The following NRXN3 variants were observed in gnomAD, a reference collection of about 807,000 sequenced individuals.
NRXN3 encodes neurexin III.
In NRXN3, 32 loss-of-function variants were observed where a neutral mutation model predicts 137.6. The observed-to-expected ratio is 0.23, with a 90% confidence interval of 0.18 to 0.31. The LOEUF (loss-of-function observed/expected upper bound fraction) is 0.31. NRXN3 is among the 10% of genes least tolerant of loss of function. The probability of loss-of-function intolerance (pLI) is 1.00; values close to 1 mark genes in which losing one functional copy is unlikely to be tolerated. For missense variants in NRXN3, 1,574 were observed against 2,062.5 expected, an observed-to-expected ratio of 0.76 and a Z score of 4.59; for synonymous variants, 798 against 784.5, an observed-to-expected ratio of 1.02 and a Z score of -0.29.
At chr14:79,604,806 C>T (rs1181294952) in intron 16 of NRXN3, among the ~76,000 whole-genome samples, 1 of 151,682 alleles carries the variant, frequency 6.6e-6, no homozygotes, top group Non-Finnish European at 1.5e-5. Context: ...CTGAGGCGGG[C>T]GGATCACTTG....
intron 4 of NRXN3, among the ~76,000 whole-genome samples, chr14:78,426,332 A>C (rs1017853491): frequency 6.6e-6 from 1 of 152,298 alleles, no homozygotes; most frequent in Non-Finnish European, 1.5e-5. Flanking sequence ...GTACAGCTTC[A>C]TCTAACACCT....
At chr14:78,589,858 T>C (rs549095169) in intron 4 of NRXN3, among the ~76,000 whole-genome samples, 1 of 152,260 alleles carries the variant, frequency 6.6e-6, no homozygotes, top group South Asian at 2.1e-4. Context: ...TTAAATTTGA[T>C]TTAAGTTTCA....
At chr14:79,605,972 A>AT (rs2098008841) in intron 16 of NRXN3, among the ~76,000 whole-genome samples, 1 of 152,160 alleles carries the variant, frequency 6.6e-6, no homozygotes, top group African/African-American at 2.4e-5. Flanking sequence ...TGCCAGGCTG[A>AT]TGGAGGGGCT....
intron 10 of NRXN3, among the ~76,000 whole-genome samples, chr14:78,922,821 C>T (rs890268624): frequency 6.6e-6 from 1 of 152,160 alleles, no homozygotes; most frequent in African/African-American, 2.4e-5. Context: ...ACCTATGTAA[C>T]AAACCTGCAT....
intron 1 of NRXN3, among the ~76,000 whole-genome samples, chr14:78,221,513 G>A (rs191250543): frequency 2.0e-5 from 3 of 152,292 alleles, no homozygotes; most frequent in African/African-American, 7.2e-5. Flanking sequence ...CAGTGGATGT[G>A]GGAGAGTAAT....
chr14:79,770,980 G>A (rs2099075946), intron 19 of NRXN3, among the ~76,000 whole-genome samples: 1 of 152,108 alleles, frequency 6.6e-6, no homozygotes, highest in Non-Finnish European at 1.5e-5. Flanking sequence ...ACTACCATCA[G>A]AGAATACTAC....
At chr14:79,818,188 G>C (rs2140976049) in intron 20 of NRXN3, among the ~76,000 whole-genome samples, 1 of 151,858 alleles carries the variant, frequency 6.6e-6, no homozygotes, top group South Asian at 2.1e-4. Flanking sequence ...CGAGTAGCTG[G>C]GACTACAGGT....
intron 16 of NRXN3, among the ~76,000 whole-genome samples, chr14:79,614,030 C>G (rs146243484): frequency 8.9e-4 from 135 of 152,302 alleles, no homozygotes; most frequent in African/African-American, 3.2e-3. Context: ...AATAACAATT[C>G]ATGTCCAATT....
intron 15 of NRXN3, among the ~76,000 whole-genome samples, chr14:79,063,282 G>GT (rs1307438729): frequency 6.6e-6 from 1 of 151,810 alleles, no homozygotes; most frequent in Non-Finnish European, 1.5e-5. Context: ...ATGTTTTTTT[G>GT]TTTTTTGTTT....
At chr14:79,800,987 G>A (rs1320972137) in intron 19 of NRXN3, among the ~76,000 whole-genome samples, 1 of 152,120 alleles carries the variant, frequency 6.6e-6, no homozygotes, top group East Asian at 1.9e-4. Flanking sequence ...TGCAAATTAA[G>A]GCCTCTGGCA....
intron 4 of NRXN3, among the ~76,000 whole-genome samples, chr14:78,641,595 A>G (rs1446329857): frequency 6.6e-6 from 1 of 152,240 alleles, no homozygotes; most frequent in South Asian, 2.1e-4. Flanking sequence ...CGATTCAGAG[A>G]GAAGCTTTCA....
chr14:79,227,107 C>T (rs771852758), intron 15 of NRXN3, among the ~76,000 whole-genome samples: 4 of 151,762 alleles, frequency 2.6e-5, no homozygotes, highest in Non-Finnish European at 5.9e-5. Context: ...CGTGAGCCAC[C>T]GCGCCTGGCC....
intron 19 of NRXN3, among the ~76,000 whole-genome samples, chr14:79,771,643 T>C (rs2099078978): frequency 7.5e-6 from 1 of 134,188 alleles, no homozygotes; most frequent in Admixed American, 8.0e-5. Flanking sequence ...ATAAGAGCTA[T>C]CTATGACAAA....
At chr14:79,388,452 TG>T (rs1446973277) in intron 15 of NRXN3, among the ~76,000 whole-genome samples, 1 of 152,158 alleles carries the variant, frequency 6.6e-6, no homozygotes, top group Non-Finnish European at 1.5e-5. Flanking sequence ...TGTTCAGCTT[TG>T]AGGAGTCCAG....
intron 9 of NRXN3, among the ~76,000 whole-genome samples, chr14:78,810,037 G>A (rs2098901577): frequency 6.8e-6 from 1 of 148,068 alleles, no homozygotes; most frequent in African/African-American, 2.5e-5. Flanking sequence ...AAAAAAAAAT[G>A]TTTGGTGTCT....
intron 15 of NRXN3, among the ~76,000 whole-genome samples, chr14:79,057,506 G>A (rs1051191988): frequency 2.6e-5 from 4 of 152,190 alleles, no homozygotes; most frequent in African/African-American, 7.2e-5. Context: ...GAGAGCAGGA[G>A]CCAAAGATGG....
chr14:79,445,342 AAAAAAAAGAAAGAAAG>A (rs1214436929), intron 15 of NRXN3, among the ~76,000 whole-genome samples: 3 of 151,914 alleles, frequency 2.0e-5, no homozygotes, highest in African/African-American at 7.3e-5. Flanking sequence ...CCATCTCAAA[AAAAAAAAGAAAGAAAG>A]AAAAAAAGAA....
At chr14:78,231,824 GT>G (rs1171088298) in intron 1 of NRXN3, among the ~76,000 whole-genome samples, 4 of 152,234 alleles carry the variant, frequency 2.6e-5, no homozygotes, top group Non-Finnish European at 2.9e-5. Flanking sequence ...TATTATGAGT[GT>G]TTGCTGTTGC....
Position 78,709,468 on chromosome 14 carries a change from C to G in NRXN3, c.1473C>G (p.Pro491=). The change falls in exon 7 of 21, where the codon CCC becomes CCG. Residue 491 remains proline (P), a synonymous_variant. Coordinates refer to ENST00000335750, the MANE Select transcript of NRXN3 (RefSeq NM_001330195.2). ...TGATCCTCTTCACTCATGGAAAGCCCCAAGAGAGGAAGGATGCTCGGAGCC... is the reference window on the plus strand; with the variant it reads ...TGATCCTCTTCACTCATGGAAAGCCGCAAGAGAGGAAGGATGCTCGGAGCC... ...NGLILFTHGK[P]QERKDARSQK... 4.3e-6 allele frequency: 7 copies of G among 1,614,084 alleles called. No individual in the cohort carries two copies. The highest frequency in any genetic ancestry group is 2.2e-5 in the East Asian group (1 of 44,860).
Sources: allele counts gnomAD v4.1 joint callset (sites outside exome capture counted in the v4.1 genomes callset), GRCh38; gene constraint gnomAD v4.1.1; transcripts MANE v1.5; gene names NCBI Gene and HGNC (gene_info 2026-07-23, HGNC 2026-07-21).